CDH13: variants seen among roughly 807,000 people sequenced by gnomAD.
The protein encoded by CDH13 is cadherin 13.
CDH13 carries 24 observed loss-of-function variants against 63.8 expected under a neutral mutation model. That is an observed-to-expected ratio of 0.38 (90% CI 0.27 to 0.53). The LOEUF is 0.53. CDH13 is among the 20% of genes least tolerant of loss of function. CDH13 has a pLI of 0.85. For synonymous variants in CDH13, 503 were observed against 355.3 expected (o/e 1.42, Z -4.67); for missense variants, 1,049 against 903.1 (o/e 1.16, Z -2.07).
chr16:83,331,825 C>G (rs1597769141), intron 5 of CDH13, among the ~76,000 whole-genome samples: 2 of 152,284 alleles, frequency 1.3e-5, no homozygotes, highest in East Asian at 3.9e-4. Flanking sequence ...GTACTTTCTG[C>G]AGATACCATA....
chr16:82,762,534 C>T (rs781481936), intron 1 of CDH13, among the ~76,000 whole-genome samples: 4 of 152,172 alleles, frequency 2.6e-5, no homozygotes, highest in African/African-American at 9.7e-5. Flanking sequence ...CTTTAACTTT[C>T]TACTAATTAG....
At chr16:82,782,432 A>T (rs113044588) in intron 1 of CDH13, among the ~76,000 whole-genome samples, 1 of 152,034 alleles carries the variant, frequency 6.6e-6, no homozygotes, top group Admixed American at 6.6e-5. Flanking sequence ...AGTGCCTGTA[A>T]TCCTAGCTAC....
At chr16:82,853,306 T>A (rs916007770) in intron 1 of CDH13, among the ~76,000 whole-genome samples, 1 of 152,166 alleles carries the variant, frequency 6.6e-6, no homozygotes, top group African/African-American at 2.4e-5. Flanking sequence ...ACTGAACAGT[T>A]TTTTAGTAAC....
At chr16:83,011,254 A>G (rs1914123572) in intron 2 of CDH13, among the ~76,000 whole-genome samples, 1 of 152,202 alleles carries the variant, frequency 6.6e-6, no homozygotes, top group African/African-American at 2.4e-5. Context: ...TAAGTGGAGA[A>G]ATAATAGTAA....
chr16:82,941,687 C>T (rs952578593), intron 2 of CDH13, among the ~76,000 whole-genome samples: 4 of 152,076 alleles, frequency 2.6e-5, no homozygotes, highest in Non-Finnish European at 5.9e-5. Flanking sequence ...TTGCTTGTAC[C>T]GAGCTCTCTA....
chr16:82,884,166 T>G, intron 2 of CDH13: 1 of 455,726 alleles, frequency 2.2e-6, no homozygotes, highest in South Asian at 1.5e-5. Context: ...TTATGCTGTT[T>G]CTTTCCAACA....
intron 2 of CDH13, among the ~76,000 whole-genome samples, chr16:82,961,189 C>T (rs1209259715): frequency 2.6e-5 from 4 of 152,184 alleles, no homozygotes; most frequent in Non-Finnish European, 5.9e-5. Flanking sequence ...GACAAGGACA[C>T]TGAGGCCCAG....
chr16:83,468,384 G>T (rs544364976), intron 6 of CDH13, among the ~76,000 whole-genome samples: 1 of 152,172 alleles, frequency 6.6e-6, no homozygotes, highest in African/African-American at 2.4e-5. Context: ...GTAAGGAAGA[G>T]ACCTCCCCTA....
chr16:83,168,071 T>C (rs4564550), intron 4 of CDH13, among the ~76,000 whole-genome samples: 13,191 of 151,256 alleles, frequency 0.087, 695 homozygotes, highest in Middle Eastern at 0.2. Flanking sequence ...AAGAGGGGTA[T>C]GAGGGTTGAA....
intron 8 of CDH13, among the ~76,000 whole-genome samples, chr16:83,617,449 A>G (rs1909382023): frequency 6.6e-6 from 1 of 151,880 alleles, no homozygotes; most frequent in Admixed American, 6.6e-5. Context: ...CACATATCCT[A>G]ATAAGCACAT....
At position 83,800,149 on chromosome 16, in the gene CDH13, G is replaced by A. The variant is rs1188662913; in HGVS notation, c.*5119G>A. The A allele has an allele frequency of 2.6e-5, 4 of 152,164 alleles. No homozygotes were observed. Among genetic ancestry groups the A allele is most frequent in the African/African-American group, 9.7e-5 (4 of 41,434 alleles). The allele number at this position is 152,164 out of a possible 1,614,324, so 9.4% of individuals were successfully genotyped here. A position where few individuals can be genotyped will look rare whatever the true frequency, so the allele number is the denominator to read the frequency against. On this transcript the variant is annotated 3_prime_UTR_variant, in exon 14 of 14. Transcript: ENST00000567109. ...CATTGGTAGGGAGATGGTGAAAAGC[G>A]TTGGGTGGTGTAGGACGAGGGAGGT... is the stretch of plus-strand genomic sequence containing the variant.
chr16:82,669,938 A>G (rs189269698), intron 1 of CDH13, among the ~76,000 whole-genome samples: 115 of 152,326 alleles, frequency 7.5e-4, no homozygotes, highest in Non-Finnish European at 1.4e-3. Context: ...AGTACAGAGA[A>G]TTTCTTGCAG....
chr16:83,242,013 T>C (rs997267368), intron 5 of CDH13, among the ~76,000 whole-genome samples: 1 of 152,216 alleles, frequency 6.6e-6, no homozygotes, highest in African/African-American at 2.4e-5. Context: ...GATTTTTGTA[T>C]ACGGCATGAG....
chr16:82,843,548 C>G (rs749673089), intron 1 of CDH13, among the ~76,000 whole-genome samples: 1 of 152,050 alleles, frequency 6.6e-6, no homozygotes, highest in Non-Finnish European at 1.5e-5. Flanking sequence ...TCTTCTAGAA[C>G]TTTTCAGAGT....
intron 2 of CDH13, among the ~76,000 whole-genome samples, chr16:82,917,914 C>CAAAAAAAAAAAAAAAAAAA (rs34766700): frequency 6.5e-5 from 3 of 45,958 alleles, no homozygotes; most frequent in African/African-American, 2.1e-4. Context: ...GACTCCATGT[C>CAAAAAAAAAAAAAAAAAAA]AAAAAAAAAA....
intron 3 of CDH13, among the ~76,000 whole-genome samples, chr16:83,057,448 C>A (rs998143498): frequency 3.3e-5 from 5 of 152,178 alleles, no homozygotes; most frequent in Non-Finnish European, 5.9e-5. Context: ...TGTACACTTA[C>A]ACTTTTGCAG....
chr16:83,501,458 G>T (rs544492699), intron 7 of CDH13, among the ~76,000 whole-genome samples: 1 of 606 alleles, frequency 1.7e-3, no homozygotes, highest in South Asian at 0.12. Flanking sequence ...AGAGTCAAGA[G>T]ATTCTCCATT....
chr16:83,239,949 T>G (rs1904306692), intron 5 of CDH13, among the ~76,000 whole-genome samples: 2 of 152,134 alleles, frequency 1.3e-5, no homozygotes, highest in Non-Finnish European at 2.9e-5. Flanking sequence ...GGGAGACATT[T>G]AAACAGAGAT....
At chr16:82,881,638 C>T (rs2040705742) in intron 2 of CDH13, among the ~76,000 whole-genome samples, 1 of 152,190 alleles carries the variant, frequency 6.6e-6, no homozygotes, top group East Asian at 1.9e-4. Flanking sequence ...AGGAATACAA[C>T]AGGCACATTA....
Sources: allele counts gnomAD v4.1 joint callset (sites outside exome capture counted in the v4.1 genomes callset), GRCh38; gene constraint gnomAD v4.1.1; transcripts MANE v1.5; gene names NCBI Gene and HGNC (gene_info 2026-07-23, HGNC 2026-07-21).